The following AKAP13 variants were observed in gnomAD, a reference collection of about 807,000 sequenced individuals.
The protein encoded by AKAP13 is A-kinase anchoring protein 13.
Under a neutral mutation model 264.5 loss-of-function variants are expected in AKAP13, and 80 were observed. The observed-to-expected ratio is 0.30, with a 90% CI of 0.25 to 0.36. The LOEUF (loss-of-function observed/expected upper bound fraction) is 0.36. AKAP13 is among the 10% of genes least tolerant of loss of function. The pLI is 1.00. For synonymous variants in AKAP13, 1,380 were observed against 1,250.2 expected (o/e 1.10, Z -2.19); for missense variants, 3,712 against 3,435.2 (o/e 1.08, Z -2.01).
At chr15:85,676,190 C>T (rs1277674300) in intron 14 of AKAP13, among the ~76,000 whole-genome samples, 1 of 152,108 alleles carries the variant, frequency 6.6e-6, no homozygotes, top group African/African-American at 2.4e-5. Context: ...GGATTACAGG[C>T]GTGAGCCACC....
At chr15:85,575,086 G>C in intron 5 of AKAP13, 45 bp from the exon 6 acceptor site, 2 of 1,577,016 alleles carry the variant, frequency 1.3e-6, no homozygotes, top group South Asian at 2.2e-5. Flanking sequence ...GCCTATGCCT[G>C]GGAGGCAGAA....
chr15:85,435,883 C>T (rs1490194953), intron 1 of AKAP13, among the ~76,000 whole-genome samples: 7 of 144,414 alleles, frequency 4.8e-5, no homozygotes, highest in African/African-American at 7.6e-5. Flanking sequence ...TAAAGACCAT[C>T]GAGACTAGGA....
rs2151604333 is a variant in AKAP13 at position 85,682,228 on chromosome 15, T to G, written c.5156+16T>G. 2 of 1,610,558 alleles carry G rather than the reference T, an allele frequency of 1.2e-6. No individual in the cohort carries two copies. The highest frequency in any genetic ancestry group is 4.5e-5 in the East Asian group (2 of 44,808). ...TGACTGAGAGGTACTATAAATTTGT[T>G]ACTCCTTTTTCCAGAAATAAAATGA... is the stretch of plus-strand genomic sequence containing the variant. On this transcript the variant is annotated intron_variant, in intron 15 of 36. Transcript: ENST00000394518.
chr15:85,439,009 A>C (rs2073479045), intron 1 of AKAP13, among the ~76,000 whole-genome samples: 1 of 147,720 alleles, frequency 6.8e-6, no homozygotes, highest in Non-Finnish European at 1.5e-5. Flanking sequence ...AGCAAAAGAA[A>C]CTACCATCAG....
intron 8 of AKAP13, among the ~76,000 whole-genome samples, chr15:85,608,154 A>G (rs1260239768): frequency 2.0e-5 from 3 of 149,194 alleles, no homozygotes; most frequent in Non-Finnish European, 4.5e-5. Context: ...TTGAAGAGAA[A>G]AATAAGAAGT....
chr15:85,546,530 A>G (rs1315433894), intron 5 of AKAP13, among the ~76,000 whole-genome samples: 1 of 152,218 alleles, frequency 6.6e-6, no homozygotes, highest in African/African-American at 2.4e-5. Flanking sequence ...TATGACCAGA[A>G]ATAGAAGCCA....
chr15:85,741,031 C>T lies in AKAP13; in HGVS notation c.7609-15C>T. On this transcript the variant is annotated splice_polypyrimidine_tract_variant and intron_variant, in intron 34 of 36. Coordinates refer to ENST00000394518, the MANE Select transcript of AKAP13 (RefSeq NM_007200.5). ...CTGGCCAGAGTTGCAGGGCTCCCCTCTGTGTGCCTCCCAGGGTGTGGTGCT... is the reference window on the plus strand; with the variant it reads ...CTGGCCAGAGTTGCAGGGCTCCCCTTTGTGTGCCTCCCAGGGTGTGGTGCT... 6.3e-7 allele frequency: 1 copy of T among 1,592,616 alleles called. No individual in the cohort carries two copies. Among genetic ancestry groups the T allele is most frequent in the Non-Finnish European group, 8.6e-7 (1 of 1,167,962 alleles).
At chr15:85,675,605 T>C (rs965128674) in intron 14 of AKAP13, among the ~76,000 whole-genome samples, 11 of 152,170 alleles carry the variant, frequency 7.2e-5, no homozygotes, top group African/African-American at 2.7e-4. Flanking sequence ...CTCACCACAT[T>C]TACAGATGAG....
intron 5 of AKAP13, among the ~76,000 whole-genome samples, chr15:85,548,260 G>A (rs1442763751): frequency 6.6e-6 from 1 of 152,104 alleles, no homozygotes; most frequent in Non-Finnish European, 1.5e-5. Flanking sequence ...GCTAAGCCTT[G>A]ATTTCTTCAT....
intron 8 of AKAP13, among the ~76,000 whole-genome samples, chr15:85,638,451 C>T (rs1057344670): frequency 1.3e-5 from 2 of 152,146 alleles, no homozygotes; most frequent in Admixed American, 1.3e-4. Context: ...GTTTCTTATG[C>T]TATTATTGGG....
intron 16 of AKAP13, among the ~76,000 whole-genome samples, chr15:85,685,859 G>A (rs562288682): frequency 2.2e-4 from 34 of 152,202 alleles, no homozygotes; most frequent in African/African-American, 7.9e-4. Flanking sequence ...GTAAAAGAAT[G>A]AAAATCTCCT....
chr15:85,716,962 A>T (rs148171038), intron 20 of AKAP13, among the ~76,000 whole-genome samples: 47 of 152,342 alleles, frequency 3.1e-4, no homozygotes, highest in Middle Eastern at 3.4e-3. Context: ...AAAACAGTGT[A>T]TTGGTTAGGC....
At chr15:85,493,266 GTGAA>G (rs1263014274) in intron 2 of AKAP13, among the ~76,000 whole-genome samples, 3 of 152,202 alleles carry the variant, frequency 2.0e-5, no homozygotes, top group Non-Finnish European at 2.9e-5. Context: ...CATTGAGTGA[GTGAA>G]TGAACTACAG....
intron 29 of AKAP13, among the ~76,000 whole-genome samples, chr15:85,729,515 G>A (rs968525673): frequency 5.3e-5 from 8 of 152,188 alleles, no homozygotes; most frequent in South Asian, 2.1e-4. Flanking sequence ...AGGTGGCCAC[G>A]TGGGCGCCAT....
Position 85,579,030 on chromosome 15 carries a change from C to A in AKAP13, c.962C>A (p.Ala321Glu). The A allele has an allele frequency of 1.2e-6, 2 of 1,614,164 alleles. No homozygotes were observed. Among genetic ancestry groups the A allele is most frequent in the Non-Finnish European group, 1.7e-6 (2 of 1,180,040 alleles). The part of the protein sequence containing the change: ...PETDGQFLPC[A>E]PEPTDPQRLS... ...ACAGATGGCCAGTTTCTTCCCTGTGCACCGGAGCCCACGGACCCTCAGCGA... is the reference window on the plus strand; with the variant it reads ...ACAGATGGCCAGTTTCTTCCCTGTGAACCGGAGCCCACGGACCCTCAGCGA... Residue 321 changes from alanine to glutamate, a missense_variant, in exon 7 of 37, where the codon GCA becomes GAA. Ala to Glu is a moderately radical substitution (Grantham distance 107). Around this residue, in one of 3 missense-constraint regions of AKAP13, gnomAD observed 2,759 missense variants for 2,411.7 expected, o/e 1.14. Transcript: ENST00000394518.
At chr15:85,537,684 AGTTT>A (rs2077446573) in intron 4 of AKAP13, among the ~76,000 whole-genome samples, 1 of 152,234 alleles carries the variant, frequency 6.6e-6, no homozygotes, top group Non-Finnish European at 1.5e-5. Flanking sequence ...CATTGGAGTC[AGTTT>A]GTTTGCATCC....
intron 13 of AKAP13, among the ~76,000 whole-genome samples, chr15:85,666,579 C>T (rs1297213294): frequency 6.6e-6 from 1 of 152,152 alleles, no homozygotes; most frequent in Non-Finnish European, 1.5e-5. Flanking sequence ...GACAGGGTCT[C>T]ACTCTGTCGC....
At chr15:85,739,593 T>A (rs1432203174) in intron 33 of AKAP13, among the ~76,000 whole-genome samples, 1 of 152,192 alleles carries the variant, frequency 6.6e-6, no homozygotes, top group African/African-American at 2.4e-5. Context: ...GAAAAAAATC[T>A]TCTGGTTTCT....
chr15:85,608,265 G>C (rs1008258349), intron 8 of AKAP13, among the ~76,000 whole-genome samples: 2 of 152,186 alleles, frequency 1.3e-5, no homozygotes, highest in East Asian at 1.9e-4. Flanking sequence ...CTGGCCAGGA[G>C]TATTCTTCTA....
Sources: allele counts gnomAD v4.1 joint callset (sites outside exome capture counted in the v4.1 genomes callset), GRCh38; gene constraint gnomAD v4.1.1; regional missense constraint gnomAD v4.1.1; transcripts MANE v1.5; gene names NCBI Gene and HGNC (gene_info 2026-07-23, HGNC 2026-07-21).